The following TMED8 variants were observed in gnomAD, a reference collection of about 807,000 sequenced individuals.
TMED8 encodes protein TMED8.
A neutral mutation model predicts 32.7 loss-of-function variants in TMED8; 15 were observed. The observed-to-expected ratio is 0.46, with a 90% CI of 0.31 to 0.71. The LOEUF (loss-of-function observed/expected upper bound fraction) is 0.71, where lower values mean the gene tolerates loss of function less well. Ranked by LOEUF, TMED8 falls within the 30% of genes least tolerant of loss-of-function variation. The pLI is 0.06. For missense variants in TMED8, 390 were observed against 423.9 expected, an observed-to-expected ratio of 0.92 and a Z score of 0.70; for synonymous variants, 147 against 161.4, an observed-to-expected ratio of 0.91 and a Z score of 0.68.
chr14:77,375,092 AT>A (rs934969559), intron 1 of TMED8, among the ~76,000 whole-genome samples: 1 of 152,134 alleles, frequency 6.6e-6, no homozygotes, highest in African/African-American at 2.4e-5. Flanking sequence ...GAAAATATAA[AT>A]TTTTTTCCAC....
chr14:77,359,826 G>T, intron 1 of TMED8: 1 of 191,804 alleles, frequency 5.2e-6, no homozygotes, highest in Non-Finnish European at 1.1e-5. Context: ...TATCATCATG[G>T]GCACTCTGAC....
chr14:77,368,612 G>A (rs921093327), intron 1 of TMED8, among the ~76,000 whole-genome samples: 1 of 152,042 alleles, frequency 6.6e-6, no homozygotes, highest in Non-Finnish European at 1.5e-5. Flanking sequence ...CTAGTAGCTG[G>A]GACTACAGGC....
chr14:77,369,479 C>T (rs1893629091), intron 1 of TMED8, among the ~76,000 whole-genome samples: 1 of 152,242 alleles, frequency 6.6e-6, no homozygotes, highest in Non-Finnish European at 1.5e-5. Flanking sequence ...ATGGCCCTAA[C>T]CCAAAGGAAA....
chr14:77,354,073 TG>T (rs1181357837), intron 1 of TMED8, among the ~76,000 whole-genome samples: 6 of 152,202 alleles, frequency 3.9e-5, no homozygotes, highest in Admixed American at 6.5e-5. Flanking sequence ...ATATAGCCTG[TG>T]ACCATGCTGG....
At position 77,338,786 on chromosome 14, in the gene TMED8, C is replaced by A. The variant is rs1004593886; in HGVS notation, c.*2985G>T. Reference sequence around the variant, plus strand: ...TTTGGTTTACAATATATTTATATTTCTTTTAAGCTGTTTGCTGAAATTTTT... The same window carrying A: ...TTTGGTTTACAATATATTTATATTTATTTTAAGCTGTTTGCTGAAATTTTT... On this transcript the variant is annotated 3_prime_UTR_variant, in exon 6 of 6. Coordinates refer to ENST00000216468, the MANE Select transcript of TMED8 (RefSeq NM_213601.3). The A allele has an allele frequency of 6.6e-6, 1 of 152,056 alleles. No homozygotes were observed. The highest frequency in any genetic ancestry group is 2.4e-5 in the African/African-American group (1 of 41,414). 9.4% of individuals were successfully genotyped at this position (152,056 alleles called of 1,614,324 possible).
chr14:77,342,969 G>A (rs527324001), intron 5 of TMED8, among the ~76,000 whole-genome samples: 3 of 152,166 alleles, frequency 2.0e-5, no homozygotes, highest in Non-Finnish European at 4.4e-5. Flanking sequence ...ATGAGGTACC[G>A]ATAAGGAAAA....
chr14:77,351,795 T>G (rs764151011), intron 1 of TMED8, 44 bp from the exon 2 acceptor site: 4,181 of 1,119,132 alleles, frequency 3.7e-3, no homozygotes, highest in Non-Finnish European at 5.1e-3. Context: ...TGAGAGGGAA[T>G]ACAATCATAA....
At chr14:77,358,407 T>C (rs983145130) in intron 1 of TMED8, among the ~76,000 whole-genome samples, 1 of 151,966 alleles carries the variant, frequency 6.6e-6, no homozygotes, top group African/African-American at 2.4e-5. Context: ...GTTCAAGTAA[T>C]TCTGCCTTAG....
chr14:77,372,830 T>A (rs527560202), intron 1 of TMED8, among the ~76,000 whole-genome samples: 1 of 146,836 alleles, frequency 6.8e-6, no homozygotes, highest in Non-Finnish European at 1.5e-5. Context: ...ATTGACTCCC[T>A]ATTATTCTTA....
At chr14:77,365,102 C>G (rs1272014613) in intron 1 of TMED8, among the ~76,000 whole-genome samples, 4 of 152,212 alleles carry the variant, frequency 2.6e-5, no homozygotes, top group African/African-American at 7.2e-5. Context: ...AAGCAGCCCA[C>G]TGAATCTCCT....
rs1892734628 is a variant in TMED8 at position 77,335,262 on chromosome 14, C to A, written c.*6509G>T. 6.6e-6 allele frequency: 1 copy of A among 152,100 alleles called. No individual in the cohort carries two copies. The highest frequency in any genetic ancestry group is 2.4e-5 in the African/African-American group (1 of 41,402). 9.4% of individuals were successfully genotyped at this position (152,100 alleles called of 1,614,324 possible). A position where few individuals can be genotyped will look rare whatever the true frequency, so the allele number is the denominator to read the frequency against. On this transcript the variant is annotated 3_prime_UTR_variant, in exon 6 of 6. Coordinates refer to ENST00000216468, the MANE Select transcript of TMED8 (RefSeq NM_213601.3). ...CAGCAGGACACAAGAATTAAAGTAA[C>A]AATTTGGTAAGACTCTTAGAAATCA...
Position 77,341,479 on chromosome 14 carries a change from C to A in TMED8, c.*292G>T. On this transcript the variant is annotated 3_prime_UTR_variant, in exon 6 of 6. Transcript: ENST00000216468. ...ATGAATCTATTTTTAAAAAACATCGCCCTGCTTCCTTTTAGGCTTGTGCCC... is the reference window on the plus strand; with the variant it reads ...ATGAATCTATTTTTAAAAAACATCGACCTGCTTCCTTTTAGGCTTGTGCCC... 2.3e-6 allele frequency: 1 copy of A among 428,022 alleles called. No homozygotes were observed. The highest frequency in any genetic ancestry group is 4.3e-6 in the Non-Finnish European group (1 of 233,594). 26.5% of individuals were successfully genotyped at this position (428,022 alleles called of 1,614,324 possible).
chr14:77,355,046 A>G (rs944575652), intron 1 of TMED8, among the ~76,000 whole-genome samples: 5 of 152,052 alleles, frequency 3.3e-5, no homozygotes, highest in African/African-American at 1.2e-4. Flanking sequence ...CCCCTTCCCA[A>G]AGTGCTGGGG....
chr14:77,353,977 A>G (rs545282834), intron 1 of TMED8, among the ~76,000 whole-genome samples: 1 of 151,920 alleles, frequency 6.6e-6, no homozygotes, highest in South Asian at 2.1e-4. Flanking sequence ...TTTGACCACT[A>G]CTCCCGACAA....
At chr14:77,367,262 A>C (rs1333801529) in intron 1 of TMED8, among the ~76,000 whole-genome samples, 1 of 151,554 alleles carries the variant, frequency 6.6e-6, no homozygotes, top group East Asian at 1.9e-4. Flanking sequence ...AAAAAAAAAA[A>C]AAAAACTTTT....
chr14:77,351,463 GT>G (rs1893176971), intron 2 of TMED8, among the ~76,000 whole-genome samples: 1 of 113,758 alleles, frequency 8.8e-6, no homozygotes, highest in Non-Finnish European at 1.7e-5. Context: ...GGGTTTCACT[GT>G]GCTAGCCAGG....
At chr14:77,374,332 A>G (rs545900552) in intron 1 of TMED8, among the ~76,000 whole-genome samples, 2 of 152,344 alleles carry the variant, frequency 1.3e-5, no homozygotes, top group African/African-American at 4.8e-5. Context: ...CTGCTTTGGA[A>G]GCCCAGCTTA....
At chr14:77,370,610 T>C (rs1250540043) in intron 1 of TMED8, among the ~76,000 whole-genome samples, 2 of 152,168 alleles carry the variant, frequency 1.3e-5, no homozygotes, top group African/African-American at 4.8e-5. Flanking sequence ...TTTATCCACA[T>C]TATTCAAAAT....
intron 1 of TMED8, among the ~76,000 whole-genome samples, chr14:77,364,054 G>T (rs1423062695): frequency 2.0e-5 from 3 of 152,162 alleles, no homozygotes; most frequent in Non-Finnish European, 4.4e-5. Flanking sequence ...ATCAATATAT[G>T]AGTGCCCGTT....
Sources: allele counts gnomAD v4.1 joint callset (sites outside exome capture counted in the v4.1 genomes callset), GRCh38; gene constraint gnomAD v4.1.1; transcripts MANE v1.5; gene names NCBI Gene and HGNC (gene_info 2026-07-23, HGNC 2026-07-21).